The following PXDNL variants were observed in gnomAD, a reference collection of about 807,000 sequenced individuals.
PXDNL encodes the protein probable oxidoreductase PXDNL.
PXDNL carries 145 observed loss-of-function variants against 150.8 expected under a neutral mutation model. The ratio of observed to expected loss-of-function variants is 0.96; its 90% CI spans 0.84 to 1.10. The LOEUF is 1.10. Ranked by LOEUF, PXDNL falls within the 50% of genes least tolerant of loss-of-function variation. PXDNL has a pLI of 0.00. For missense variants in PXDNL, 2,087 were observed against 1,873.9 expected, an observed-to-expected ratio of 1.11 and a Z score of -2.10; for synonymous variants, 757 against 725.7, an observed-to-expected ratio of 1.04 and a Z score of -0.69.
intron 3 of PXDNL, among the ~76,000 whole-genome samples, chr8:51,568,514 CT>C (rs1327402937): frequency 6.6e-6 from 1 of 151,798 alleles, no homozygotes; most frequent in African/African-American, 2.4e-5. Context: ...GTTTTTACCC[CT>C]GGCTTTCAAG....
At chr8:51,735,287 C>T (rs770798614) in intron 1 of PXDNL, among the ~76,000 whole-genome samples, 17 of 151,696 alleles carry the variant, frequency 1.1e-4, no homozygotes, top group Non-Finnish European at 2.4e-4. Flanking sequence ...TTGAGATCAG[C>T]CTGGTCAACA....
intron 4 of PXDNL, among the ~76,000 whole-genome samples, chr8:51,532,446 C>T (rs1391002284): frequency 6.6e-6 from 1 of 152,202 alleles, no homozygotes; most frequent in East Asian, 1.9e-4. Context: ...GTTACTACAG[C>T]ATTAATGCCA....
In PXDNL at chr8:51,809,295, C is replaced by T. The variant is rs1165961876; in HGVS notation, c.50G>A (p.Trp17Ter). The T allele has an allele frequency of 3.8e-6, 6 of 1,585,190 alleles. No individual in the cohort carries two copies. The highest frequency in any genetic ancestry group is 5.1e-6 in the Non-Finnish European group (6 of 1,165,674). ...CWTTLFLLAG[W>*]CLPGLPCPSR... is the part of the protein sequence containing the mutation. ...GGGGCAGGGCAACCCTGGCAGGCAC[C>T]ACCCGGCCAGGAGAAAGAGAGTGGT... is the stretch of plus-strand genomic sequence containing the variant. The change falls in exon 1 of 23, where the codon TGG becomes TAG. Residue 17 changes from tryptophan (W) to a stop codon, truncating the protein, a stop_gained. Coordinates refer to ENST00000356297, the MANE Select transcript of PXDNL (RefSeq NM_144651.5). LOFTEE classifies it high-confidence loss of function.
chr8:51,782,817 T>C (rs948925213), intron 1 of PXDNL, among the ~76,000 whole-genome samples: 2 of 152,198 alleles, frequency 1.3e-5, no homozygotes, highest in Non-Finnish European at 2.9e-5. Context: ...CCATAAAATT[T>C]CTCTTATAGG....
At chr8:51,474,521 C>T (rs1810427802) in intron 7 of PXDNL, among the ~76,000 whole-genome samples, 1 of 152,122 alleles carries the variant, frequency 6.6e-6, no homozygotes, top group South Asian at 2.1e-4. Flanking sequence ...TTCATGGTCC[C>T]ATTATACATT....
At position 51,653,542 on chromosome 8, in the gene PXDNL, G is replaced by A. The variant is rs188459940; in HGVS notation, c.236+1147C>T. Among the ~76,000 whole-genome samples, 137 of 152,230 alleles carry A rather than the reference G, an allele frequency of 9.0e-4. 5 individuals carry two copies. In the South Asian group the frequency reaches 0.015, roughly 17 times the overall value. On this transcript the variant is annotated intron_variant, in intron 2 of 22. Transcript: ENST00000356297. ...CACAAGCACTCCAGGAAATGTTTTC[G>A]TACATTGCACTTTGATAATCATTGC...
chr8:51,592,517 T>C (rs1813466085), intron 3 of PXDNL, 110 bp downstream of exon 3: 1 of 681,086 alleles, frequency 1.5e-6, no homozygotes, highest in Non-Finnish European at 2.5e-6. Context: ...AGGTTGAAAC[T>C]GCTTTTCACG....
intron 1 of PXDNL, among the ~76,000 whole-genome samples, chr8:51,668,176 CTTTTT>C (rs71550279): frequency 1.3e-5 from 1 of 77,386 alleles, no homozygotes; most frequent in Non-Finnish European, 2.2e-5. Context: ...CTCGCTCTCT[CTTTTT>C]TTTTTTTTTT....
At chr8:51,482,958 G>A (rs560929891) in intron 6 of PXDNL, among the ~76,000 whole-genome samples, 9 of 152,264 alleles carry the variant, frequency 5.9e-5, no homozygotes, top group African/African-American at 1.7e-4. Flanking sequence ...CTGACATCTG[G>A]GAAGCAGGCA....
chr8:51,762,935 T>A (rs1016961537), intron 1 of PXDNL, among the ~76,000 whole-genome samples: 1 of 152,192 alleles, frequency 6.6e-6, no homozygotes, highest in Non-Finnish European at 1.5e-5. Context: ...GTATAACAGC[T>A]TTCTTGAGAT....
intron 21 of PXDNL, among the ~76,000 whole-genome samples, chr8:51,336,606 C>T (rs1323604497): frequency 6.6e-6 from 1 of 152,192 alleles, no homozygotes; most frequent in Non-Finnish European, 1.5e-5. Flanking sequence ...ACCTGACAGT[C>T]ACCCAGGAAA....
intron 1 of PXDNL, among the ~76,000 whole-genome samples, chr8:51,775,790 G>A (rs1056905621): frequency 6.6e-6 from 1 of 152,176 alleles, no homozygotes; most frequent in Non-Finnish European, 1.5e-5. Context: ...CAATTTGAAA[G>A]CTGGGCACCT....
At chr8:51,491,404 T>C (rs1208441028) in intron 5 of PXDNL, among the ~76,000 whole-genome samples, 1 of 152,186 alleles carries the variant, frequency 6.6e-6, no homozygotes, top group East Asian at 1.9e-4. Context: ...TCGAGTTTTC[T>C]TTCAGGAGCT....
intron 1 of PXDNL, among the ~76,000 whole-genome samples, chr8:51,744,302 AAGAAAG>A (rs1471513032): frequency 1.3e-5 from 2 of 149,784 alleles, no homozygotes; most frequent in African/African-American, 2.4e-5. Flanking sequence ...GGAAGAAAGA[AAGAAAG>A]AGAAAGAAAG....
intron 3 of PXDNL, among the ~76,000 whole-genome samples, chr8:51,563,983 T>C (rs1223114494): frequency 2.0e-5 from 3 of 152,112 alleles, no homozygotes; most frequent in South Asian, 2.1e-4. Flanking sequence ...AGTTGGAAAG[T>C]CATTTCTATA....
chr8:51,442,237 C>A lies in PXDNL; in HGVS notation c.1525+4767G>T, dbSNP rs1809567995. Among the ~76,000 whole-genome samples the A allele has an allele frequency of 2.7e-5, 4 of 150,812 alleles. No homozygotes were observed. In the South Asian group the frequency reaches 8.5e-4, roughly 32 times the overall value. On this transcript the variant is annotated intron_variant, in intron 12 of 22. Transcript: ENST00000356297. ...AAATTTGTGGGTTACATATTGTTTT[C>A]TAATATACTGTCTGGGTACATTTTA...
chr8:51,807,028 A>C (rs188652451), intron 1 of PXDNL, among the ~76,000 whole-genome samples: 10 of 152,376 alleles, frequency 6.6e-5, no homozygotes, highest in Non-Finnish European at 8.8e-5. Context: ...ACTAGAGCTA[A>C]GCAATTTTCT....
chr8:51,607,991 G>GGA (rs1813880798), intron 2 of PXDNL, among the ~76,000 whole-genome samples: 3 of 103,644 alleles, frequency 2.9e-5, no homozygotes, highest in Admixed American at 2.0e-4. Flanking sequence ...GGAAGAGAGA[G>GGA]AGGAAGGAAG....
chr8:51,772,300 TG>T (rs1438618565), intron 1 of PXDNL, among the ~76,000 whole-genome samples: 2 of 151,414 alleles, frequency 1.3e-5, no homozygotes, highest in African/African-American at 4.9e-5. Flanking sequence ...CCTCCTTGCA[TG>T]CCCCACTCTC....
Sources: gnomAD v4.1 joint callset for allele counts (sites outside exome capture counted in the v4.1 genomes callset) on GRCh38, gnomAD v4.1.1 for gene constraint, MANE v1.5 for transcripts, NCBI Gene and HGNC (gene_info 2026-07-23, HGNC 2026-07-21) for gene names.